Variants in ARHGEF26 observed in about 807,000 individuals in gnomAD.
ARHGEF26 encodes the protein Rho guanine nucleotide exchange factor 26.
ARHGEF26 carries 59 observed loss-of-function variants against 89.4 expected under a neutral mutation model. The ratio of observed to expected loss-of-function variants is 0.66; its 90% CI spans 0.54 to 0.82. The LOEUF (loss-of-function observed/expected upper bound fraction) is 0.82, where lower values mean the gene tolerates loss of function less well. ARHGEF26 is among the 40% of genes least tolerant of loss of function. The pLI, the probability that ARHGEF26 is intolerant of heterozygous loss-of-function variation, is 0.00. For missense variants in ARHGEF26, 1,234 were observed against 1,085.6 expected (o/e 1.14, Z -1.92); for synonymous variants, 500 against 428.4 (o/e 1.17, Z -2.06).
At chr3:154,252,275 T>C (rs1718202505) in intron 12 of ARHGEF26, among the ~76,000 whole-genome samples, 1 of 152,204 alleles carries the variant, frequency 6.6e-6, no homozygotes, top group Admixed American at 6.5e-5. Flanking sequence ...AGATGGGCTT[T>C]TGAGAGGATT....
At chr3:154,176,265 A>T (rs1422847142) in intron 6 of ARHGEF26, among the ~76,000 whole-genome samples, 1 of 152,214 alleles carries the variant, frequency 6.6e-6, no homozygotes, top group East Asian at 1.9e-4. Flanking sequence ...CTTTTGTGGC[A>T]GAAAGTGAGG....
intron 4 of ARHGEF26, among the ~76,000 whole-genome samples, chr3:154,149,000 A>T (rs945530466): frequency 1.3e-5 from 2 of 152,148 alleles, no homozygotes; most frequent in African/African-American, 2.4e-5. Context: ...CTAACCAATA[A>T]TATTGACTAA....
chr3:154,219,181 T>C (rs1715963971), intron 10 of ARHGEF26, among the ~76,000 whole-genome samples: 1 of 152,230 alleles, frequency 6.6e-6, no homozygotes, highest in Non-Finnish European at 1.5e-5. Context: ...TTTTGGAAAG[T>C]ATATCTGACA....
intron 10 of ARHGEF26, among the ~76,000 whole-genome samples, chr3:154,221,623 A>G (rs1190024233): frequency 6.6e-6 from 1 of 152,252 alleles, no homozygotes; most frequent in African/African-American, 2.4e-5. Flanking sequence ...TACGCAAATA[A>G]TGTGATACCA....
intron 4 of ARHGEF26, among the ~76,000 whole-genome samples, chr3:154,146,044 A>G (rs1405485830): frequency 6.6e-6 from 1 of 152,230 alleles, no homozygotes; most frequent in East Asian, 1.9e-4. Flanking sequence ...CCTGCAAAGT[A>G]CTTTAGTTTG....
intron 9 of ARHGEF26, among the ~76,000 whole-genome samples, chr3:154,210,817 C>T (rs1049970714): frequency 6.6e-6 from 1 of 151,546 alleles, no homozygotes; most frequent in Non-Finnish European, 1.5e-5. Flanking sequence ...GTGGTGGGCA[C>T]CTGTAATCCC....
intron 12 of ARHGEF26, among the ~76,000 whole-genome samples, chr3:154,251,117 C>T (rs1409889591): frequency 1.3e-5 from 2 of 152,172 alleles, no homozygotes; most frequent in Non-Finnish European, 2.9e-5. Context: ...CCACAGTTTC[C>T]ACCCTTCCTG....
In ARHGEF26 at chr3:154,150,938, C is replaced by T. The variant is rs539589035; in HGVS notation, c.1326+1493C>T. 3.0e-4 allele frequency among the ~76,000 whole-genome samples: 45 copies of T among 152,250 alleles called. 1 individual carries two copies. The highest frequency in any genetic ancestry group is 1.1e-3 in the African/African-American group (45 of 41,550). Reference sequence around the variant, plus strand: ...ATATTTTAGCAATTATTTTATTAAACTTATTATAATAAACTGCCAATTATT... The same window carrying T: ...ATATTTTAGCAATTATTTTATTAAATTTATTATAATAAACTGCCAATTATT... On this transcript the variant is annotated intron_variant, in intron 5 of 14. Coordinates refer to ENST00000465093, the MANE Select transcript of ARHGEF26 (RefSeq NM_015595.4).
chr3:154,159,332 C>T (rs1041342926), intron 6 of ARHGEF26, among the ~76,000 whole-genome samples: 1 of 151,990 alleles, frequency 6.6e-6, no homozygotes, highest in Non-Finnish European at 1.5e-5. Context: ...CTTTGGAAAG[C>T]CATTTAAAAC....
chr3:154,138,701 C>G (rs1719171857), intron 4 of ARHGEF26, among the ~76,000 whole-genome samples: 1 of 152,154 alleles, frequency 6.6e-6, no homozygotes, highest in Admixed American at 6.5e-5. Flanking sequence ...AACTACAAAC[C>G]TACAACAGGG....
chr3:154,254,723 T>A lies in ARHGEF26; in HGVS notation c.2372T>A (p.Leu791Gln). Residue 791 changes from leucine to glutamine, a missense_variant, in exon 14 of 15, where the codon CTG (leucine) becomes CAG (glutamine). Transcript: ENST00000465093. ...SGKPPADRTS[L>Q]TQVEIVRSFT... ...GTATGTCCTCTTTTGGCCTCAGCAC[T>A]GACCCAGGTGGAAATCGTTAGGTCA... The A allele has an allele frequency of 6.2e-7, 1 of 1,613,832 alleles. No individual in the cohort carries two copies. Among genetic ancestry groups the A allele is most frequent in the Non-Finnish European group, 8.5e-7 (1 of 1,179,792 alleles).
chr3:154,147,235 T>C (rs1391564100), intron 4 of ARHGEF26, among the ~76,000 whole-genome samples: 1 of 152,108 alleles, frequency 6.6e-6, no homozygotes, highest in Non-Finnish European at 1.5e-5. Flanking sequence ...TGAAACCCCC[T>C]CTCCACTAAA....
chr3:154,173,359 A>AT (rs1364800215), intron 6 of ARHGEF26, among the ~76,000 whole-genome samples: 1 of 152,202 alleles, frequency 6.6e-6, no homozygotes, highest in East Asian at 1.9e-4. Context: ...GCCAATTTTA[A>AT]TTCACCAAGA....
chr3:154,124,575 T>C (rs1355767099), intron 3 of ARHGEF26, 126 bp downstream of exon 3: 2 of 876,822 alleles, frequency 2.3e-6, no homozygotes, highest in East Asian at 2.8e-5. Flanking sequence ...TCTCAAATTA[T>C]ACAGTCCAAA....
At chr3:154,146,849 T>C (rs560805245) in intron 4 of ARHGEF26, among the ~76,000 whole-genome samples, 1 of 152,354 alleles carries the variant, frequency 6.6e-6, no homozygotes, top group Admixed American at 6.5e-5. Flanking sequence ...AAATTCAGAA[T>C]CTACAGATTT....
rs531854476 is a variant in ARHGEF26 at position 154,124,054 on chromosome 3, A to G, written c.1084-356A>G. ...CGTGGTCTTAAAGAAAATAAATTACATAACATTTTATGTGTTTTTTCCAAC... is the reference window on the plus strand; with the variant it reads ...CGTGGTCTTAAAGAAAATAAATTACGTAACATTTTATGTGTTTTTTCCAAC... On this transcript the variant is annotated intron_variant, in intron 2 of 14. Coordinates refer to ENST00000465093, the MANE Select transcript of ARHGEF26 (RefSeq NM_015595.4). 1.5e-4 allele frequency among the ~76,000 whole-genome samples: 22 copies of G among 151,036 alleles called. No individual in the cohort carries two copies. In the South Asian group the frequency reaches 3.7e-3, roughly 26 times the overall value.
intron 6 of ARHGEF26, among the ~76,000 whole-genome samples, chr3:154,186,273 G>A (rs9880488): frequency 0.23 from 34,408 of 151,964 alleles, 4,062 homozygotes; most frequent in South Asian, 0.37. Context: ...GTATGCAGAT[G>A]TTCATAGCAG....
Position 154,191,149 on chromosome 3 carries a change from T to C in ARHGEF26, c.1641-140T>C, listed in dbSNP as rs1422587307. 22 of 885,288 alleles carry C rather than the reference T, an allele frequency of 2.5e-5. No individual in the cohort carries two copies. In the Admixed American group the frequency reaches 3.0e-4, roughly 12 times the overall value. 54.8% of individuals were successfully genotyped at this position (885,288 alleles called of 1,614,324 possible). ...CCATTCGTATTTGCCAGTGTAATTA[T>C]GTGCTTATGATATTTTCATACAGTT... On this transcript the variant is annotated intron_variant, in intron 7 of 14. Transcript: ENST00000465093.
At chr3:154,198,068 G>C (rs1351935356) in intron 9 of ARHGEF26, among the ~76,000 whole-genome samples, 2 of 152,122 alleles carry the variant, frequency 1.3e-5, no homozygotes, top group Non-Finnish European at 1.5e-5. Context: ...TTCGTATAAC[G>C]TATTGCTTCA....
Sources: gnomAD v4.1 joint callset for allele counts (sites outside exome capture counted in the v4.1 genomes callset) on GRCh38, gnomAD v4.1.1 for gene constraint, MANE v1.5 for transcripts, NCBI Gene and HGNC (gene_info 2026-07-23, HGNC 2026-07-21) for gene names.